The following CLCN1 variants were observed in gnomAD, a reference collection of about 807,000 sequenced individuals.
CLCN1 encodes chloride voltage-gated channel 1, also known as chloride channel protein 1.
Under a neutral mutation model 114.5 loss-of-function variants are expected in CLCN1, and 100 were observed. The observed-to-expected ratio is 0.87, with a 90% CI of 0.74 to 1.03. The LOEUF is 1.03. CLCN1 is among the 50% of genes least tolerant of loss of function. The pLI is 0.00. For missense variants in CLCN1, 1,188 were observed against 1,250.0 expected (o/e 0.95, Z 0.75); for synonymous variants, 485 against 487.1 (o/e 1.00, Z 0.06).
intron 12 of CLCN1, among the ~76,000 whole-genome samples, chr7:143,338,324 T>G (rs1802969584): frequency 6.6e-6 from 1 of 152,202 alleles, no homozygotes; most frequent in Non-Finnish European, 1.5e-5. Flanking sequence ...ATCTAAATTT[T>G]GATCCTTGTT....
chr7:143,351,297 G>GA (rs762612915), intron 22 of CLCN1, among the ~76,000 whole-genome samples: 3 of 152,118 alleles, frequency 2.0e-5, no homozygotes, highest in Non-Finnish European at 4.4e-5. Context: ...GAAAGCTGCG[G>GA]AAAAAAGGCA....
rs183275442 is a variant in CLCN1, at chr7:143,340,782, C to T, written c.1583-1147C>T. 1.6e-3 allele frequency among the ~76,000 whole-genome samples: 239 copies of T among 152,318 alleles called. 1 individual carries two copies. Among genetic ancestry groups the T allele is most frequent in the Middle Eastern group, 0.01 (3 of 294 alleles). ...TCCTGGCCTCAAGTCATCCACCTGT[C>T]TCGGCCTCCCAGAGTGCTAGGATTA... On this transcript the variant is annotated intron_variant, in intron 14 of 22. Transcript: ENST00000343257.
chr7:143,338,796 AAAAAAAAAAAAAG>A (rs1229514394), intron 12 of CLCN1, among the ~76,000 whole-genome samples: 1 of 146,456 alleles, frequency 6.8e-6, no homozygotes, highest in East Asian at 1.9e-4. Context: ...CCTGTCTCAA[AAAAAAAAAAAAAG>A]AAAAAAAAAA....
chr7:143,346,038 A>G, intron 17 of CLCN1, 102 bp from the exon 18 acceptor site: 1 of 881,182 alleles, frequency 1.1e-6, no homozygotes, highest in Non-Finnish European at 1.9e-6. Context: ...ACTGGGGGGA[A>G]GAATAGAGTT....
rs889606129 is a variant in CLCN1 at position 143,343,580 on chromosome 7, G to T, written c.1930+1075G>T. On this transcript the variant is annotated intron_variant, in intron 16 of 22. Transcript: ENST00000343257. The stretch of plus-strand genomic sequence containing the variant: ...CTGAATTCACAAATAGGGAATCCAT[G>T]AATAATGACAATTAATGTAAATCCC... Among the ~76,000 whole-genome samples the T allele has an allele frequency of 2.0e-5, 3 of 152,222 alleles. 1 individual carries two copies. Among genetic ancestry groups the T allele is most frequent in the Admixed American group, 2.0e-4 (3 of 15,280 alleles).
rs772518279 is a variant in CLCN1, at chr7:143,332,780, C to T, written c.1308C>T (p.His436=). The T allele has an allele frequency of 1.5e-5, 24 of 1,614,010 alleles. No individual in the cohort carries two copies. The highest frequency in any genetic ancestry group is 1.4e-4 in the South Asian group (13 of 91,084). The part of the protein sequence containing the change: ...TLFDNNTWVK[H]AGDPESLGQS... Reference sequence around the variant, plus strand: ...TTGACAACAATACATGGGTGAAACACGCGGGTGATCCTGAGAGCCTGGGCC... The same window carrying T: ...TTGACAACAATACATGGGTGAAACATGCGGGTGATCCTGAGAGCCTGGGCC... The change falls in exon 12 of 23, where the codon CAC becomes CAT. Residue 436 remains histidine (H), a synonymous_variant. Coordinates refer to ENST00000343257, the MANE Select transcript of CLCN1 (RefSeq NM_000083.3).
chr7:143,350,592 G>C lies in CLCN1; in HGVS notation c.2533G>C (p.Gly845Arg), dbSNP rs755433272. 3.7e-6 allele frequency: 6 copies of C among 1,613,954 alleles called. 1 individual carries two copies. The Middle Eastern group carries it at 8.2e-4, about 221-fold the overall frequency. Residue 845 changes from glycine to arginine, a missense_variant, in exon 22 of 23, where the codon GGC becomes CGC. By Grantham distance (125) the Gly-to-Arg change is moderately radical. Coordinates refer to ENST00000343257, the MANE Select transcript of CLCN1 (RefSeq NM_000083.3). The surrounding 1 kb of genome is among the most constrained non-coding windows in gnomAD (Gnocchi z 5.1). ...HKTHTLFSLL[G>R]LHLAYVTSMG... ...GACTCATACCCTGTTTTCACTCCTT[G>C]GCCTCCACCTCGCTTACGTGACCAG...
intron 16 of CLCN1, 90 bp from the exon 17 acceptor site, chr7:143,345,431 C>T (rs1434810748): frequency 1.4e-6 from 2 of 1,419,756 alleles, no homozygotes; most frequent in African/African-American, 1.4e-5. Context: ...GGCAGGGTGG[C>T]GCCTCTCCTG....
At position 143,341,592 on chromosome 7, in the gene CLCN1, A is replaced by AT. The variant is rs1563084319; in HGVS notation, c.1583-336dup. Among the ~76,000 whole-genome samples the AT allele has an allele frequency of 5.7e-5, 8 of 141,372 alleles. No homozygotes were observed. The South Asian group carries it at 9.0e-4, about 16-fold the overall frequency. 92.7% of individuals were successfully genotyped at this position (141,372 alleles called of 152,430 possible). On this transcript the variant is annotated intron_variant, in intron 14 of 22. Transcript: ENST00000343257. ...ATAATTAATAATAATAATAATAATA[A>AT]TAATTTTAAAAAATAATAAAATAAA...
At chr7:143,349,620 AAAAC>A (rs1267759680) in intron 20 of CLCN1, among the ~76,000 whole-genome samples, 3 of 152,360 alleles carry the variant, frequency 2.0e-5, no homozygotes, top group East Asian at 3.9e-4. Context: ...GTCATAGACA[AAAAC>A]AAACAAACAA....
chr7:143,333,899 T>C (rs1260040276), intron 12 of CLCN1, among the ~76,000 whole-genome samples: 1 of 152,216 alleles, frequency 6.6e-6, no homozygotes, highest in Non-Finnish European at 1.5e-5. Flanking sequence ...TTTCTACCCC[T>C]GGTTGTGACA....
At chr7:143,343,024 A>G (rs1803130737) in intron 16 of CLCN1, among the ~76,000 whole-genome samples, 1 of 152,196 alleles carries the variant, frequency 6.6e-6, no homozygotes, top group African/African-American at 2.4e-5. Context: ...ACTATACTGA[A>G]TAATTGCTCC....
chr7:143,340,082 G>C (rs1194966171), intron 14 of CLCN1, among the ~76,000 whole-genome samples: 3 of 152,202 alleles, frequency 2.0e-5, no homozygotes, highest in African/African-American at 7.2e-5. Flanking sequence ...AAGCAAGATA[G>C]CTGCTTCTGA....
chr7:143,345,011 C>T (rs992366337), intron 16 of CLCN1, among the ~76,000 whole-genome samples: 3 of 152,170 alleles, frequency 2.0e-5, no homozygotes, highest in African/African-American at 7.2e-5. Flanking sequence ...CTCGGCCTTC[C>T]AAAGTAGTGG....
chr7:143,341,133 C>T (rs1586509483), intron 14 of CLCN1, among the ~76,000 whole-genome samples: 1 of 152,128 alleles, frequency 6.6e-6, no homozygotes, highest in Non-Finnish European at 1.5e-5. Context: ...AGAGCAGGAT[C>T]TGACACAGGT....
At chr7:143,326,698 T>G (rs1405297980) in intron 7 of CLCN1, among the ~76,000 whole-genome samples, 2 of 152,124 alleles carry the variant, frequency 1.3e-5, no homozygotes, top group African/African-American at 4.8e-5. Context: ...GAAACAGCAT[T>G]GCAAAGTCAA....
chr7:143,316,233 G>A lies in CLCN1; in HGVS notation c.21G>A (p.Gln7=). 1 of 1,613,520 alleles carries A rather than the reference G, an allele frequency of 6.2e-7. No individual in the cohort carries two copies. Among genetic ancestry groups the A allele is most frequent in the Non-Finnish European group, 8.5e-7 (1 of 1,179,684 alleles). ...GGAATATGGAGCAATCCCGGTCACAGCAGCGTGGGGGTGAACAAAGCTGGT... is the reference window on the plus strand; with the variant it reads ...GGAATATGGAGCAATCCCGGTCACAACAGCGTGGGGGTGAACAAAGCTGGT... The part of the protein sequence containing the change: MEQSRS[Q]QRGGEQSWWG... The change falls in exon 1 of 23, where the codon CAG becomes CAA. Residue 7 remains glutamine, a synonymous_variant. Transcript: ENST00000343257.
intron 7 of CLCN1, among the ~76,000 whole-genome samples, chr7:143,326,091 A>G (rs910008684): frequency 3.9e-5 from 6 of 152,032 alleles, no homozygotes; most frequent in Admixed American, 1.3e-4. Flanking sequence ...ATCTTGGCTC[A>G]CTGCAACCTC....
chr7:143,331,943 C>T (rs1244613783), intron 10 of CLCN1, among the ~76,000 whole-genome samples: 1 of 152,166 alleles, frequency 6.6e-6, no homozygotes, highest in Non-Finnish European at 1.5e-5. Context: ...ATTCTCATGC[C>T]TCAGCCTCCT....
Sources: allele counts gnomAD v4.1 joint callset (sites outside exome capture counted in the v4.1 genomes callset), GRCh38; gene constraint gnomAD v4.1.1; non-coding constraint Gnocchi (gnomAD v3.1); transcripts MANE v1.5; gene names NCBI Gene and HGNC (gene_info 2026-07-23, HGNC 2026-07-21).